KCNIP3: variants seen among roughly 807,000 people sequenced by gnomAD.
KCNIP3 encodes the protein potassium voltage-gated channel interacting protein 3.
In KCNIP3, 28 loss-of-function variants were observed where a neutral mutation model predicts 35.0. The observed-to-expected ratio is 0.80, with a 90% CI of 0.59 to 1.10. The LOEUF (loss-of-function observed/expected upper bound fraction) is 1.10. Among genes scored for constraint, KCNIP3 ranks in the 50% least tolerant of loss-of-function variants. The pLI is 0.00. For synonymous variants in KCNIP3, 134 were observed against 133.8 expected (o/e 1.00, Z -0.01); for missense variants, 295 against 338.4 (o/e 0.87, Z 1.01).
At chr2:95,367,083 G>T (rs892926148) in intron 2 of KCNIP3, among the ~76,000 whole-genome samples, 3 of 151,860 alleles carry the variant, frequency 2.0e-5, no homozygotes, top group African/African-American at 7.3e-5. Flanking sequence ...GACCAGCCTC[G>T]CCAACATGGT....
At chr2:95,338,723 AG>A (rs1679122023) in intron 2 of KCNIP3, among the ~76,000 whole-genome samples, 1 of 152,210 alleles carries the variant, frequency 6.6e-6, no homozygotes, top group Admixed American at 6.5e-5. Flanking sequence ...AGAAGGAGAG[AG>A]GTGACGTGAA....
Position 95,339,506 on chromosome 2 carries a change from C to T in KCNIP3, c.181+28986C>T, listed in dbSNP as rs1679140640. Among the ~76,000 whole-genome samples, 3 of 151,968 alleles carry T rather than the reference C, an allele frequency of 2.0e-5. No individual in the cohort carries two copies. In the South Asian group the frequency reaches 6.2e-4, roughly 32 times the overall value. On this transcript the variant is annotated intron_variant, in intron 2 of 8. Transcript: ENST00000295225. ...GGCTGAGGCGGGAGAATCACTTGAA[C>T]TCAGGAGGCGGAGGTCACAGTGAGG...
chr2:95,365,158 CTTTTTTT>C (rs75136882), intron 2 of KCNIP3, among the ~76,000 whole-genome samples: 1 of 120,518 alleles, frequency 8.3e-6, no homozygotes, highest in Admixed American at 8.7e-5. Flanking sequence ...GTCCTTATGT[CTTTTTTT>C]TTTTTTTTTT....
intron 2 of KCNIP3, among the ~76,000 whole-genome samples, chr2:95,324,233 C>T (rs542021936): frequency 6.6e-5 from 10 of 152,344 alleles, no homozygotes; most frequent in South Asian, 4.1e-4. Context: ...ACGTGAGGGC[C>T]GGGCGCGGTG....
intron 2 of KCNIP3, among the ~76,000 whole-genome samples, chr2:95,370,008 A>G (rs143611041): frequency 3.0e-4 from 45 of 152,216 alleles, no homozygotes; most frequent in African/African-American, 1.1e-3. Flanking sequence ...TAATTTTTCT[A>G]TTAAGATTCT....
chr2:95,302,710 C>T (rs189532619), intron 1 of KCNIP3, among the ~76,000 whole-genome samples: 12 of 152,274 alleles, frequency 7.9e-5, no homozygotes, highest in Admixed American at 1.3e-4. Flanking sequence ...TCAGGGTCAC[C>T]GAGCTGGGAA....
Position 95,382,334 on chromosome 2 carries a change from C to A in KCNIP3, c.556-43C>A. ...CCCGCTCCCTTTGGGCCCTCACAGC[C>A]ACCCCGGCCTTGCAGCAGGCTCATG... is the stretch of plus-strand genomic sequence containing the variant. On this transcript the variant is annotated intron_variant, in intron 6 of 8. Transcript: ENST00000295225. This position sits in a 1 kb window ranked among gnomAD's most constrained non-coding sequence, Gnocchi z 4.5. 1 of 1,405,088 alleles carries A rather than the reference C, an allele frequency of 7.1e-7. No individual in the cohort carries two copies. Among genetic ancestry groups the A allele is most frequent in the Non-Finnish European group, 9.7e-7 (1 of 1,031,474 alleles). The allele number at this position is 1,405,088 out of a possible 1,614,324, so 87.0% of individuals were successfully genotyped here. A position where few individuals can be genotyped will look rare whatever the true frequency, so the allele number is the denominator to read the frequency against.
chr2:95,338,988 A>G (rs1679127798), intron 2 of KCNIP3, among the ~76,000 whole-genome samples: 1 of 152,210 alleles, frequency 6.6e-6, no homozygotes, highest in African/African-American at 2.4e-5. Flanking sequence ...AGAGAGACCC[A>G]TCTGTACAGG....
chr2:95,347,901 C>T (rs1679416228), intron 2 of KCNIP3, among the ~76,000 whole-genome samples: 1 of 152,244 alleles, frequency 6.6e-6, no homozygotes, highest in African/African-American at 2.4e-5. Flanking sequence ...CTCCAACTCT[C>T]AGTACTGAGA....
At chr2:95,341,737 G>A (rs957761782) in intron 2 of KCNIP3, among the ~76,000 whole-genome samples, 2 of 152,304 alleles carry the variant, frequency 1.3e-5, no homozygotes, top group African/African-American at 4.8e-5. Flanking sequence ...TCCCAGGCCT[G>A]TGCTCTTGCT....
intron 2 of KCNIP3, among the ~76,000 whole-genome samples, chr2:95,336,382 A>G (rs1198102380): frequency 6.6e-6 from 1 of 152,228 alleles, no homozygotes; most frequent in African/African-American, 2.4e-5. Flanking sequence ...CAAGCCTTCA[A>G]TGATACAAGA....
At position 95,377,462 on chromosome 2, in the gene KCNIP3, C is replaced by G. The variant is rs147124888; in HGVS notation, c.447+2254C>G. 6.6e-6 allele frequency among the ~76,000 whole-genome samples: 1 copy of G among 152,242 alleles called. No homozygotes were observed. The highest frequency in any genetic ancestry group is 2.4e-5 in the African/African-American group (1 of 41,456). On this transcript the variant is annotated intron_variant, in intron 5 of 8. Coordinates refer to ENST00000295225, the MANE Select transcript of KCNIP3 (RefSeq NM_013434.5). The surrounding 1 kb of genome is among the most constrained non-coding windows in gnomAD (Gnocchi z 4.7). Reference sequence around the variant, plus strand: ...GCTGAGCACCTGCTCCGGGCTCTGCCGGGAGACCCTCCTGTGCACTCTTGT... The same window carrying G: ...GCTGAGCACCTGCTCCGGGCTCTGCGGGGAGACCCTCCTGTGCACTCTTGT...
At chr2:95,323,098 G>T (rs914459930) in intron 2 of KCNIP3, among the ~76,000 whole-genome samples, 3 of 152,216 alleles carry the variant, frequency 2.0e-5, no homozygotes, top group African/African-American at 4.8e-5. Context: ...ATGTAGGAGG[G>T]GGGTGAACAG....
chr2:95,315,555 G>T lies in KCNIP3; in HGVS notation c.181+5035G>T, dbSNP rs181044869. Among the ~76,000 whole-genome samples, 7 of 152,138 alleles carry T rather than the reference G, an allele frequency of 4.6e-5. No homozygotes were observed. In the East Asian group the frequency reaches 1.4e-3, roughly 29 times the overall value. On this transcript the variant is annotated intron_variant, in intron 2 of 8. Coordinates refer to ENST00000295225, the MANE Select transcript of KCNIP3 (RefSeq NM_013434.5). The stretch of plus-strand genomic sequence containing the variant: ...CCACCTCCCTGACCCCTGAACTAAT[G>T]GTTAACAGCCATCCATGAATCAGTG...
At position 95,374,437 on chromosome 2, in the gene KCNIP3, C is replaced by T. The variant is rs552224204; in HGVS notation, c.306+17C>T. The T allele has an allele frequency of 2.7e-5, 43 of 1,612,014 alleles. No individual in the cohort carries two copies. The highest frequency in any genetic ancestry group is 3.4e-5 in the Non-Finnish European group (40 of 1,178,762). ...TTTAAGAATGTGAGTGTTCCCCATTCCCCCGGGAGAGGCCTTGGAGACCCT... is the reference window on the plus strand; with the variant it reads ...TTTAAGAATGTGAGTGTTCCCCATTTCCCCGGGAGAGGCCTTGGAGACCCT... On this transcript the variant is annotated intron_variant, in intron 3 of 8. Coordinates refer to ENST00000295225, the MANE Select transcript of KCNIP3 (RefSeq NM_013434.5).
At chr2:95,309,350 C>T (rs1678255859) in intron 1 of KCNIP3, among the ~76,000 whole-genome samples, 1 of 151,800 alleles carries the variant, frequency 6.6e-6, no homozygotes, top group Non-Finnish European at 1.5e-5. Context: ...GAGAGCAAAT[C>T]CTGCTGCCCT....
At chr2:95,299,925 C>G (rs1311134327) in intron 1 of KCNIP3, among the ~76,000 whole-genome samples, 4 of 152,206 alleles carry the variant, frequency 2.6e-5, no homozygotes, top group African/African-American at 9.6e-5. Context: ...CTCCCTGGAC[C>G]CTCACGCAGC....
At chr2:95,367,458 G>A (rs951533411) in intron 2 of KCNIP3, among the ~76,000 whole-genome samples, 1 of 152,078 alleles carries the variant, frequency 6.6e-6, no homozygotes, top group Non-Finnish European at 1.5e-5. Context: ...AATCATTTTG[G>A]AGATAACTGG....
At chr2:95,310,702 C>A in intron 2 of KCNIP3, 182 bp downstream of exon 2, 1 of 667,968 alleles carries the variant, frequency 1.5e-6, no homozygotes, top group Non-Finnish European at 2.6e-6. Flanking sequence ...GCCTGCTTCA[C>A]ACAGGCCACT....
Sources: allele counts gnomAD v4.1 joint callset (sites outside exome capture counted in the v4.1 genomes callset), GRCh38; gene constraint gnomAD v4.1.1; non-coding constraint Gnocchi (gnomAD v3.1); transcripts MANE v1.5; gene names NCBI Gene and HGNC (gene_info 2026-07-23, HGNC 2026-07-21).